The following AGBL1 variants were observed in gnomAD, a reference collection of about 807,000 sequenced individuals.
AGBL1 encodes the protein AGBL carboxypeptidase 1, also known as cytosolic carboxypeptidase 4.
Under a neutral mutation model 118.9 loss-of-function variants are expected in AGBL1, and 130 were observed. The observed-to-expected ratio is 1.09, with a 90% CI of 0.95 to 1.26. AGBL1 has a LOEUF of 1.26. AGBL1 is among the 50% of genes most tolerant of loss of function. The pLI, the probability that AGBL1 is intolerant of heterozygous loss-of-function variation, is 0.00. For synonymous variants in AGBL1, 555 were observed against 478.9 expected (o/e 1.16, Z -2.08); for missense variants, 1,584 against 1,298.1 (o/e 1.22, Z -3.38).
At chr15:86,191,051 CTG>C (rs773133969) in intron 5 of AGBL1, among the ~76,000 whole-genome samples, 7 of 151,960 alleles carry the variant, frequency 4.6e-5, no homozygotes, top group Non-Finnish European at 1.0e-4. Context: ...AAGACAGAAA[CTG>C]AGAACACAGG....
chr15:86,825,900 GATA>G (rs1382136782), intron 22 of AGBL1, among the ~76,000 whole-genome samples: 7 of 45,220 alleles, frequency 1.5e-4, no homozygotes, highest in African/African-American at 4.5e-4. Flanking sequence ...TAGATAGATA[GATA>G]GATAGATAGA....
chr15:86,109,889 C>G (rs1897260185), intron 1 of AGBL1: 1 of 152,214 alleles, frequency 6.6e-6, no homozygotes, highest in Non-Finnish European at 1.5e-5. Flanking sequence ...AATCAGATGG[C>G]TAGCAGTAAC....
intron 24 of AGBL1, among the ~76,000 whole-genome samples, chr15:87,024,132 T>A (rs1451835411): frequency 1.3e-5 from 2 of 151,364 alleles, no homozygotes; most frequent in East Asian, 1.9e-4. Context: ...ATAACCAATA[T>A]CAGAGCAGAA....
At chr15:86,832,121 AG>A (rs1345417381) in intron 22 of AGBL1, among the ~76,000 whole-genome samples, 1 of 152,162 alleles carries the variant, frequency 6.6e-6, no homozygotes, top group Non-Finnish European at 1.5e-5. Flanking sequence ...GACTGCACAA[AG>A]CAGCAGGGCA....
chr15:86,919,361 G>A (rs28504255), downstream of AGBL1, among the ~76,000 whole-genome samples: 26,113 of 152,040 alleles, frequency 0.17, 3,192 homozygotes, highest in African/African-American at 0.35. Flanking sequence ...AGCCTTACCT[G>A]AGCCATGCTT....
intron 18 of AGBL1, among the ~76,000 whole-genome samples, chr15:86,481,184 G>C (rs2435952): frequency 6.6e-6 from 1 of 150,872 alleles, no homozygotes; most frequent in Non-Finnish European, 1.5e-5. Context: ...GCCATGTTTA[G>C]AGGATTTCTT....
At chr15:86,694,737 A>C (rs1308729007) in intron 22 of AGBL1, among the ~76,000 whole-genome samples, 1 of 152,030 alleles carries the variant, frequency 6.6e-6, no homozygotes, top group East Asian at 1.9e-4. Flanking sequence ...GGGTTTATGT[A>C]GATGGCTTTT....
At chr15:86,406,226 A>G (rs1225687645) in intron 18 of AGBL1, among the ~76,000 whole-genome samples, 4 of 152,018 alleles carry the variant, frequency 2.6e-5, no homozygotes, top group Admixed American at 1.3e-4. Context: ...TTGCCTTCCT[A>G]TCTTTCTCTA....
chr15:86,233,938 A>C (rs2078496543), intron 6 of AGBL1, among the ~76,000 whole-genome samples: 1 of 152,136 alleles, frequency 6.6e-6, no homozygotes, highest in Non-Finnish European at 1.5e-5. Flanking sequence ...CCAGGCACCC[A>C]TTCTGGGTCC....
At chr15:86,286,255 A>C (rs1170913486) in intron 16 of AGBL1, among the ~76,000 whole-genome samples, 5 of 152,124 alleles carry the variant, frequency 3.3e-5, no homozygotes, top group African/African-American at 4.8e-5. Context: ...CAGATCGATC[A>C]AACCAGACCA....
intron 18 of AGBL1, among the ~76,000 whole-genome samples, chr15:86,455,226 C>T (rs2082245467): frequency 6.6e-6 from 1 of 152,052 alleles, no homozygotes; most frequent in Non-Finnish European, 1.5e-5. Context: ...TAGCACAGTG[C>T]CTGGTACATA....
intron 18 of AGBL1, among the ~76,000 whole-genome samples, chr15:86,435,131 A>T (rs1835625): frequency 6.6e-6 from 1 of 152,184 alleles, no homozygotes; most frequent in Non-Finnish European, 1.5e-5. Context: ...AGGACTAGAA[A>T]GGGAAGGAAA....
intron 19 of AGBL1, among the ~76,000 whole-genome samples, 175 bp downstream of exon 19, chr15:86,523,114 A>G (rs1475030014): frequency 2.6e-5 from 4 of 152,244 alleles, no homozygotes; most frequent in African/African-American, 9.6e-5. Flanking sequence ...AACTGCCACA[A>G]CTGGGTAGCT....
chr15:86,589,320 T>A (rs1248849813), intron 21 of AGBL1, among the ~76,000 whole-genome samples: 1 of 152,154 alleles, frequency 6.6e-6, no homozygotes, highest in African/African-American at 2.4e-5. Context: ...AAGAGAGGGC[T>A]GACCACCCCA....
intron 23 of AGBL1, among the ~76,000 whole-genome samples, chr15:86,983,530 A>G (rs1203459455): frequency 6.6e-6 from 1 of 152,170 alleles, no homozygotes; most frequent in Non-Finnish European, 1.5e-5. Context: ...CCCTCTTTTG[A>G]ATTTTTAAAA....
intron 21 of AGBL1, among the ~76,000 whole-genome samples, chr15:86,561,273 G>C (rs1044382096): frequency 1.3e-5 from 2 of 152,168 alleles, no homozygotes; most frequent in African/African-American, 4.8e-5. Flanking sequence ...TTTTCTTCTA[G>C]GGTTTTTATG....
intron 18 of AGBL1, among the ~76,000 whole-genome samples, chr15:86,418,400 C>A (rs1353808261): frequency 6.6e-6 from 1 of 152,154 alleles, no homozygotes; most frequent in Non-Finnish European, 1.5e-5. Flanking sequence ...TATCTAATAA[C>A]CTGTCAAAGT....
chr15:86,487,320 C>T (rs1047049206), intron 18 of AGBL1, among the ~76,000 whole-genome samples: 10 of 152,084 alleles, frequency 6.6e-5, no homozygotes, highest in African/African-American at 2.4e-4. Context: ...AGGGCAGCTG[C>T]ACCCCAGCCC....
intron 1 of AGBL1, among the ~76,000 whole-genome samples, chr15:86,085,740 A>G (rs1042264702): frequency 1.3e-5 from 2 of 152,040 alleles, no homozygotes; most frequent in Non-Finnish European, 2.9e-5. Flanking sequence ...AGGCTCAGGG[A>G]TTGGGGCAGG....
Sources: gnomAD v4.1 joint callset for allele counts (sites outside exome capture counted in the v4.1 genomes callset) on GRCh38, gnomAD v4.1.1 for gene constraint, MANE v1.5 for transcripts, NCBI Gene and HGNC (gene_info 2026-07-23, HGNC 2026-07-21) for gene names.